Variants in ZNF609 observed in about 807,000 individuals in gnomAD.
ZNF609 encodes the protein zinc finger protein 609.
A neutral mutation model predicts 109.5 loss-of-function variants in ZNF609; 11 were observed. That is an observed-to-expected ratio of 0.10 (90% CI 0.06 to 0.17). The LOEUF is 0.17. ZNF609 is among the 10% of genes least tolerant of loss of function. ZNF609 has a pLI of 1.00. For missense variants in ZNF609, 1,559 were observed against 1,772.4 expected (o/e 0.88, Z 2.16); for synonymous variants, 646 against 662.0 (o/e 0.98, Z 0.37).
chr15:64,478,856 G>A (rs1423055086), intron 1 of ZNF609, among the ~76,000 whole-genome samples: 1 of 152,142 alleles, frequency 6.6e-6, no homozygotes, highest in Non-Finnish European at 1.5e-5. Flanking sequence ...TGCTTAAGTA[G>A]TACATAACAT....
At chr15:64,662,513 C>T (rs1206092393) in intron 3 of ZNF609, among the ~76,000 whole-genome samples, 1 of 152,170 alleles carries the variant, frequency 6.6e-6, no homozygotes, top group Non-Finnish European at 1.5e-5. Context: ...TTTTTAGAGA[C>T]AGGGTCTCAC....
intron 2 of ZNF609, chr15:64,529,317 C>T (rs1041186624): frequency 4.2e-6 from 3 of 720,726 alleles, no homozygotes; most frequent in Admixed American, 3.5e-5. Flanking sequence ...GATGTTGACC[C>T]TTTTGGCTCC....
At chr15:64,608,699 T>G (rs1472405605) in intron 2 of ZNF609, among the ~76,000 whole-genome samples, 2 of 150,192 alleles carry the variant, frequency 1.3e-5, no homozygotes, top group Non-Finnish European at 3.0e-5. Flanking sequence ...ATTTCAAAAT[T>G]GTTATATGTG....
In ZNF609 at chr15:64,632,722, C is replaced by T. The variant is rs147993199; in HGVS notation, c.973+9670C>T. Among the ~76,000 whole-genome samples the T allele has an allele frequency of 7.9e-3, 1,205 of 152,200 alleles. 15 individuals are homozygous for T. Among genetic ancestry groups the T allele is most frequent in the African/African-American group, 0.027 (1,137 of 41,516 alleles). Reference sequence around the variant, plus strand: ...CTGACCTCAGGTCTGCCTGCCTTGGCCTCCCAAAGTGCTGGGATTACAGAC... The same window carrying T: ...CTGACCTCAGGTCTGCCTGCCTTGGTCTCCCAAAGTGCTGGGATTACAGAC... On this transcript the variant is annotated intron_variant, in intron 3 of 9. Transcript: ENST00000326648.
intron 2 of ZNF609, among the ~76,000 whole-genome samples, chr15:64,562,494 AT>A (rs1335509038): frequency 6.6e-6 from 1 of 152,170 alleles, no homozygotes; most frequent in Non-Finnish European, 1.5e-5. Flanking sequence ...TGCCTATATC[AT>A]TTAATGTGAT....
chr15:64,589,104 G>A (rs546364811), intron 2 of ZNF609, among the ~76,000 whole-genome samples: 85 of 152,314 alleles, frequency 5.6e-4, no homozygotes, highest in African/African-American at 1.9e-3. Flanking sequence ...CTCTTCTGAT[G>A]GAGCCCAGTG....
intron 1 of ZNF609, among the ~76,000 whole-genome samples, chr15:64,468,536 G>A (rs1261869151): frequency 4.6e-5 from 7 of 152,138 alleles, no homozygotes; most frequent in African/African-American, 7.2e-5. Context: ...ATAGGCATGA[G>A]CCACTGTGAC....
chr15:64,676,343 T>C, intron 5 of ZNF609, 87 bp downstream of exon 5: 1 of 1,270,140 alleles, frequency 7.9e-7, no homozygotes, highest in Non-Finnish European at 1.1e-6. Flanking sequence ...ATACAGGGGT[T>C]CAACGGAATT....
At chr15:64,517,414 T>A (rs1242787037) in intron 2 of ZNF609, among the ~76,000 whole-genome samples, 2 of 152,124 alleles carry the variant, frequency 1.3e-5, no homozygotes, top group Non-Finnish European at 2.9e-5. Flanking sequence ...ATTCAACAGA[T>A]CCTATATGGG....
rs1195031163 is a variant in ZNF609, at chr15:64,564,879, G to T, written c.748-57948G>T. 2.0e-5 allele frequency among the ~76,000 whole-genome samples: 3 copies of T among 147,546 alleles called. No homozygotes were observed. The Admixed American group carries it at 2.0e-4, about 10-fold the overall frequency. ...TTTTTCTTTTTAGAAACGGAGTCTC[G>T]CTCTGTTGCCCAGGCTGGAGTGCAG... is the stretch of plus-strand genomic sequence containing the variant. On this transcript the variant is annotated intron_variant, in intron 2 of 9. Coordinates refer to ENST00000326648, the MANE Select transcript of ZNF609 (RefSeq NM_015042.2).
At position 64,481,829 on chromosome 15, in the gene ZNF609, G is replaced by C. The variant is rs1893258320; in HGVS notation, c.-127-17464G>C. ...AGATGAAGTCTTGCTCTGTCGCCTA[G>C]GCTGGAGTACAGTGGCACGATCTCG... On this transcript the variant is annotated intron_variant, in intron 1 of 9. Coordinates refer to ENST00000326648, the MANE Select transcript of ZNF609 (RefSeq NM_015042.2). Among the ~76,000 whole-genome samples, 4 of 152,114 alleles carry C rather than the reference G, an allele frequency of 2.6e-5. No individual in the cohort carries two copies. The South Asian group carries it at 8.3e-4, about 31-fold the overall frequency.
intron 2 of ZNF609, 63 bp from the exon 3 acceptor site, chr15:64,622,764 A>G: frequency 1.4e-6 from 2 of 1,382,400 alleles, no homozygotes; most frequent in East Asian, 4.6e-5. Flanking sequence ...TTAAATACAG[A>G]AAAGGTATTT....
intron 3 of ZNF609, among the ~76,000 whole-genome samples, chr15:64,653,641 G>A (rs112404108): frequency 0.012 from 1,873 of 151,866 alleles, 15 homozygotes; most frequent in Non-Finnish European, 0.017. Context: ...GCTAGACTCC[G>A]TCTCCAAAAA....
intron 1 of ZNF609, among the ~76,000 whole-genome samples, chr15:64,467,009 CTTTAT>C (rs1013204952): frequency 2.0e-5 from 3 of 152,116 alleles, no homozygotes; most frequent in Non-Finnish European, 4.4e-5. Context: ...TATGAATGAG[CTTTAT>C]ATCTTGTCAA....
chr15:64,671,053 C>CA (rs994539572), intron 4 of ZNF609, among the ~76,000 whole-genome samples: 2 of 150,020 alleles, frequency 1.3e-5, no homozygotes, highest in Non-Finnish European at 3.0e-5. Flanking sequence ...ACTAAAAATA[C>CA]AAAAAAATTA....
intron 3 of ZNF609, among the ~76,000 whole-genome samples, chr15:64,649,239 A>G (rs1567039076): frequency 1.3e-5 from 2 of 152,126 alleles, no homozygotes; most frequent in African/African-American, 2.4e-5. Context: ...AAAATTCTAA[A>G]TCTTTACATT....
intron 2 of ZNF609, among the ~76,000 whole-genome samples, chr15:64,555,601 T>A (rs80078716): frequency 3.5e-5 from 5 of 141,070 alleles, no homozygotes; most frequent in South Asian, 2.2e-4. Flanking sequence ...AAAAAAAAAA[T>A]AGCCAGATGC....
Position 64,654,834 on chromosome 15 carries a change from C to T in ZNF609, c.974-15512C>T, listed in dbSNP as rs565758563. On this transcript the variant is annotated intron_variant, in intron 3 of 9. Transcript: ENST00000326648. ...CAAGTGGGCCGGGCACGGTGGCTCA[C>T]GCCTGTAATCCCAGCACTTTGGGAG... 3.3e-5 allele frequency among the ~76,000 whole-genome samples: 5 copies of T among 152,248 alleles called. No individual in the cohort carries two copies. The East Asian group carries it at 5.8e-4, about 18-fold the overall frequency.
At chr15:64,670,844 C>A (rs1361299801) in intron 4 of ZNF609, among the ~76,000 whole-genome samples, 1 of 148,476 alleles carries the variant, frequency 6.7e-6, no homozygotes, top group African/African-American at 2.5e-5. Flanking sequence ...CACCATTGCA[C>A]TCCAGCCTGG....
Sources: gnomAD v4.1 joint callset for allele counts (sites outside exome capture counted in the v4.1 genomes callset) on GRCh38, gnomAD v4.1.1 for gene constraint, MANE v1.5 for transcripts, NCBI Gene and HGNC (gene_info 2026-07-23, HGNC 2026-07-21) for gene names.